Variants in FSIP2 observed in about 807,000 individuals in gnomAD.
The protein encoded by FSIP2 is fibrous sheath-interacting protein 2.
In FSIP2, 367 loss-of-function variants were observed where a neutral mutation model predicts 510.5. The ratio of observed to expected loss-of-function variants is 0.72; its 90% CI spans 0.66 to 0.78. FSIP2 has a LOEUF of 0.78. Among genes scored for constraint, FSIP2 ranks in the 30% least tolerant of loss-of-function variants. The pLI is 0.00. For missense variants in FSIP2, 7,594 were observed against 7,901.7 expected (o/e 0.96, Z 1.48); for synonymous variants, 2,601 against 2,732.2 (o/e 0.95, Z 1.50).
Position 185,802,518 on chromosome 2 carries a change from T to C in FSIP2, c.13212T>C (p.Asn4404=). Residue 4404 remains asparagine, a synonymous_variant, in exon 17 of 23, where the codon AAT becomes AAC. Transcript: ENST00000424728. Reference sequence around the variant, plus strand: ...AAGACAGTGGCATTTTTGTGGAAAATATTACCAATTTAATTGTAGCAGCTA... The same window carrying C: ...AAGACAGTGGCATTTTTGTGGAAAACATTACCAATTTAATTGTAGCAGCTA... ...ESEDSGIFVE[N]ITNLIVAAIS... 2 of 1,531,792 alleles carry C rather than the reference T, an allele frequency of 1.3e-6. No homozygotes were observed. The highest frequency in any genetic ancestry group is 2.4e-5 in the South Asian group (2 of 83,552). 94.9% of individuals were successfully genotyped at this position (1,531,792 alleles called of 1,614,324 possible).
chr2:185,757,202 T>G (rs1692261709), intron 9 of FSIP2, among the ~76,000 whole-genome samples: 2 of 151,490 alleles, frequency 1.3e-5, no homozygotes, highest in African/African-American at 4.8e-5. Context: ...AAACTGATCC[T>G]GTAAAAATCT....
intron 18 of FSIP2, among the ~76,000 whole-genome samples, chr2:185,814,747 A>C (rs1414877269): frequency 6.6e-6 from 1 of 152,036 alleles, no homozygotes; most frequent in Non-Finnish European, 1.5e-5. Flanking sequence ...TGTAATTCTA[A>C]TTAATTTTAG....
At position 185,833,160 on chromosome 2, in the gene FSIP2, G is replaced by A. The variant is rs185699295; in HGVS notation, c.20658G>A (p.Lys6886=). The stretch of plus-strand genomic sequence containing the variant: ...CAAAAATGTCTTCAACTTTGTCAAA[G>A]GTGTTTTCTCAATGTAACACCAATA... The part of the protein sequence containing the change: ...MLTKMSSTLS[K]VFSQCNTNIS... Residue 6886 remains lysine, a synonymous_variant, in exon 23 of 23, where the codon AAG becomes AAA. Transcript: ENST00000424728. The A allele has an allele frequency of 8.3e-4, 1,332 of 1,610,646 alleles. 2 individuals carry two copies. Among genetic ancestry groups the A allele is most frequent in the Non-Finnish European group, 7.8e-4 (917 of 1,177,740 alleles).
chr2:185,792,603 G>C lies in FSIP2; in HGVS notation c.5467G>C (p.Val1823Leu). The C allele has an allele frequency of 1.3e-6, 2 of 1,534,038 alleles. No individual in the cohort carries two copies. Among genetic ancestry groups the C allele is most frequent in the Non-Finnish European group, 1.7e-6 (2 of 1,145,494 alleles). The part of the protein sequence containing the change: ...NVDEPTPQTS[V>L]QFMDKMMDPL... ...TGATGAGCCAACTCCCCAAACATCTGTTCAATTTATGGATAAAATGATGGA... is the reference window on the plus strand; with the variant it reads ...TGATGAGCCAACTCCCCAAACATCTCTTCAATTTATGGATAAAATGATGGA... The change falls in exon 16 of 23, where the codon GTT (valine) becomes CTT (leucine). Residue 1823 changes from valine to leucine, a missense_variant. Physicochemically the swap from Val to Leu is conservative, Grantham distance 32. Transcript: ENST00000424728.
At position 185,805,277 on chromosome 2, in the gene FSIP2, A is replaced by G. The variant is rs1185113302; in HGVS notation, c.15971A>G (p.Lys5324Arg). 3 of 1,593,064 alleles carry G rather than the reference A, an allele frequency of 1.9e-6. No individual in the cohort carries two copies. Among genetic ancestry groups the G allele is most frequent in the Non-Finnish European group, 2.6e-6 (3 of 1,172,626 alleles). Residue 5324 changes from lysine to arginine, a missense_variant, in exon 17 of 23, where the codon AAG becomes AGG. Transcript: ENST00000424728. ...KLANSLIREF[K>R]KSDIKVLPNA... ...GCAAATTCTCTGATAAGGGAATTTA[A>G]GAAAAGTGATATTAAAGTTTTACCA...
intron 13 of FSIP2, among the ~76,000 whole-genome samples, chr2:185,773,796 C>A (rs1047749229): frequency 1.3e-5 from 2 of 152,092 alleles, no homozygotes; most frequent in Non-Finnish European, 2.9e-5. Context: ...TATATCTCTT[C>A]TTGTTTCTTT....
At chr2:185,783,466 C>G (rs1692898573) in intron 14 of FSIP2, among the ~76,000 whole-genome samples, 1 of 151,954 alleles carries the variant, frequency 6.6e-6, no homozygotes, top group African/African-American at 2.4e-5. Context: ...CTTTACAAAC[C>G]CCAAATTCCT....
intron 17 of FSIP2, among the ~76,000 whole-genome samples, chr2:185,811,468 CA>C (rs796187112): frequency 0.031 from 1,827 of 58,944 alleles, 15 homozygotes; most frequent in African/African-American, 0.043. Flanking sequence ...GACTCCACCT[CA>C]AAAAAAAAAA....
chr2:185,788,418 A>ATCTT (rs1180651779), intron 15 of FSIP2, among the ~76,000 whole-genome samples: 4 of 151,714 alleles, frequency 2.6e-5, no homozygotes, highest in African/African-American at 7.2e-5. Context: ...AATAAAATAA[A>ATCTT]TCTTACACAA....
Position 185,806,634 on chromosome 2 carries a change from A to G in FSIP2, c.17328A>G (p.Glu5776=), listed in dbSNP as rs778043016. The change falls in exon 17 of 23, where the codon GAA becomes GAG. Residue 5776 remains glutamate (E), a synonymous_variant. Coordinates refer to ENST00000424728, the MANE Select transcript of FSIP2 (RefSeq NM_173651.4). The part of the protein sequence containing the change: ...SKPDDPQNQR[E]SKPGIFPAKF... ...CAGATGATCCTCAAAACCAACGAGA[A>G]AGTAAACCTGGAATTTTTCCCGCTA... is the stretch of plus-strand genomic sequence containing the variant. The G allele has an allele frequency of 6.2e-7, 1 of 1,606,786 alleles. No homozygotes were observed. The highest frequency in any genetic ancestry group is 8.5e-7 in the Non-Finnish European group (1 of 1,177,510).
In FSIP2 at chr2:185,805,990, A is replaced by G; in HGVS notation, c.16684A>G (p.Asn5562Asp). Residue 5562 changes from asparagine to aspartate, a missense_variant, in exon 17 of 23, where the codon AAT (asparagine) becomes GAT (aspartate). Physicochemically the swap from Asn to Asp is conservative, Grantham distance 23. Coordinates refer to ENST00000424728, the MANE Select transcript of FSIP2 (RefSeq NM_173651.4). ...EPNLSETFNN[N>D]EIEKKRNLIP... is the part of the protein sequence containing the mutation. ...AAATTTGAGTGAAACATTTAATAAT[A>G]ATGAAATTGAGAAGAAAAGAAATTT... 1 of 1,557,184 alleles carries G rather than the reference A, an allele frequency of 6.4e-7. No homozygotes were observed. Among genetic ancestry groups the G allele is most frequent in the Non-Finnish European group, 8.7e-7 (1 of 1,154,616 alleles).
rs1386663627 is a variant in FSIP2, at chr2:185,794,160, C to A, written c.7024C>A (p.His2342Asn). ...CAGAGAAAAACTTGGATCCACAATT[C>A]ACCTATCGCAAGCTAGGCTTAAGAC... ...GRREKLGSTIHLSQARLKTYA... is the reference protein window; with the variant it reads ...GRREKLGSTINLSQARLKTYA... Residue 2342 changes from histidine to asparagine, a missense_variant, in exon 16 of 23, where the codon CAC becomes AAC. By Grantham distance (68) the His-to-Asn change is moderately conservative. Transcript: ENST00000424728. 6 of 1,533,792 alleles carry A rather than the reference C, an allele frequency of 3.9e-6. No homozygotes were observed. The South Asian group carries it at 6.0e-5, about 15-fold the overall frequency.
rs1691860726 is a variant in FSIP2, at chr2:185,739,003, C to T, written c.99+10C>T. 4 of 1,530,228 alleles carry T rather than the reference C, an allele frequency of 2.6e-6. No homozygotes were observed. In the African/African-American group the frequency reaches 4.1e-5, roughly 16 times the overall value. 94.8% of individuals were successfully genotyped at this position (1,530,228 alleles called of 1,614,324 possible). A position where few individuals can be genotyped will look rare whatever the true frequency, so the allele number is the denominator to read the frequency against. ...CCAGCAGTGCAGAGACGTGAGTGGCCGCAAGCTGGGCGGCGTCGCCCTCTG... is the reference window on the plus strand; with the variant it reads ...CCAGCAGTGCAGAGACGTGAGTGGCTGCAAGCTGGGCGGCGTCGCCCTCTG... On this transcript the variant is annotated intron_variant, in intron 1 of 22. Coordinates refer to ENST00000424728, the MANE Select transcript of FSIP2 (RefSeq NM_173651.4).
intron 17 of FSIP2, among the ~76,000 whole-genome samples, chr2:185,810,847 T>G (rs545438471): frequency 6.6e-6 from 1 of 152,010 alleles, no homozygotes; most frequent in East Asian, 2.0e-4. Flanking sequence ...TGATGGACAA[T>G]GGTAATATGG....
At chr2:185,822,236 G>C (rs1693934413) in intron 19 of FSIP2, among the ~76,000 whole-genome samples, 1 of 151,792 alleles carries the variant, frequency 6.6e-6, no homozygotes, top group South Asian at 2.1e-4. Context: ...AATTAGGCAA[G>C]AAAAAGGGGG....
At chr2:185,826,563 C>T (rs1694015181) in intron 20 of FSIP2, among the ~76,000 whole-genome samples, 1 of 151,750 alleles carries the variant, frequency 6.6e-6, no homozygotes, top group Admixed American at 6.6e-5. Context: ...GATCAGGACG[C>T]TACCTATCCC....
Position 185,805,344 on chromosome 2 carries a change from G to C in FSIP2, c.16038G>C (p.Glu5346Asp). 1 of 1,598,650 alleles carries C rather than the reference G, an allele frequency of 6.3e-7. No homozygotes were observed. The highest frequency in any genetic ancestry group is 8.5e-7 in the Non-Finnish European group (1 of 1,174,364). ...KMFSFPPIDK[E>D]TVDKISNFVY... Reference sequence around the variant, plus strand: ...TTTCTTTTCCACCAATTGATAAAGAGACAGTTGATAAAATATCCAATTTTG... The same window carrying C: ...TTTCTTTTCCACCAATTGATAAAGACACAGTTGATAAAATATCCAATTTTG... The change falls in exon 17 of 23, where the codon GAG (glutamate) becomes GAC (aspartate). Residue 5346 changes from glutamate to aspartate, a missense_variant. Glu to Asp is a conservative substitution (Grantham distance 45, BLOSUM62 2). Coordinates refer to ENST00000424728, the MANE Select transcript of FSIP2 (RefSeq NM_173651.4).
Position 185,768,349 on chromosome 2 carries a change from A to G in FSIP2, c.1411+3784A>G, listed in dbSNP as rs118094595. On this transcript the variant is annotated intron_variant, in intron 13 of 22. Transcript: ENST00000424728. ...CCAAACATTTATTGCCCAGATCAAC[A>G]TCAAGAAGCTTTGTATGTTCTCTCT... 7.9e-4 allele frequency among the ~76,000 whole-genome samples: 120 copies of G among 152,232 alleles called. 3 individuals are homozygous for G. In the East Asian group the frequency reaches 0.022, roughly 28 times the overall value.
Position 185,803,512 on chromosome 2 carries a change from G to T in FSIP2, c.14206G>T (p.Ala4736Ser), listed in dbSNP as rs1435640057. ...LAARITNIIL[A>S]EIFDFQIHPD... ...TGCAAGAATAACTAATATCATCCTG[G>T]CTGAAATTTTTGATTTCCAAATTCA... is the stretch of plus-strand genomic sequence containing the variant. Residue 4736 changes from alanine to serine, a missense_variant, in exon 17 of 23, where the codon GCT (alanine) becomes TCT (serine). Transcript: ENST00000424728. 2.0e-6 allele frequency: 3 copies of T among 1,532,596 alleles called. No individual in the cohort carries two copies. The highest frequency in any genetic ancestry group is 2.6e-6 in the Non-Finnish European group (3 of 1,144,810). The allele number at this position is 1,532,596 out of a possible 1,614,324, so 94.9% of individuals were successfully genotyped here.
Sources: gnomAD v4.1 joint callset for allele counts (sites outside exome capture counted in the v4.1 genomes callset) on GRCh38, gnomAD v4.1.1 for gene constraint, MANE v1.5 for transcripts, NCBI Gene and HGNC (gene_info 2026-07-23, HGNC 2026-07-21) for gene names.